Variants in SYT16 observed in about 807,000 individuals in gnomAD.
SYT16 encodes the protein synaptotagmin 16.
A neutral mutation model predicts 61.4 loss-of-function variants in SYT16; 42 were observed. The ratio of observed to expected loss-of-function variants is 0.68; its 90% CI spans 0.53 to 0.89. The LOEUF (loss-of-function observed/expected upper bound fraction) is 0.89. Among genes scored for constraint, SYT16 ranks in the 40% least tolerant of loss-of-function variants. The probability of loss-of-function intolerance (pLI) is 0.00; values close to 1 mark genes in which losing one functional copy is unlikely to be tolerated. For missense variants in SYT16, 804 were observed against 807.3 expected, an observed-to-expected ratio of 1.00 and a Z score of 0.05; for synonymous variants, 314 against 302.3, an observed-to-expected ratio of 1.04 and a Z score of -0.40.
chr14:61,918,531 C>G (rs989946382), intron 1 of SYT16, among the ~76,000 whole-genome samples: 1 of 152,036 alleles, frequency 6.6e-6, no homozygotes, highest in African/African-American at 2.4e-5. Context: ...TTGAAAATAC[C>G]TAGTAGCCTG....
chr14:61,874,505 A>T (rs974795917), intron 1 of SYT16, among the ~76,000 whole-genome samples: 1 of 152,168 alleles, frequency 6.6e-6, no homozygotes, highest in Admixed American at 6.5e-5. Context: ...TACACAATAT[A>T]TTTTTATATC....
intron 1 of SYT16, among the ~76,000 whole-genome samples, chr14:61,852,575 G>T (rs2046649234): frequency 1.3e-5 from 2 of 152,074 alleles, no homozygotes; most frequent in Non-Finnish European, 2.9e-5. Context: ...CTATTTATTT[G>T]TGTCCTCTCT....
At chr14:61,953,583 A>G (rs967074469) in intron 1 of SYT16, among the ~76,000 whole-genome samples, 11 of 152,124 alleles carry the variant, frequency 7.2e-5, no homozygotes, top group African/African-American at 1.9e-4. Context: ...GCTGGAGCCA[A>G]TTGCTGTCTC....
At chr14:61,995,423 T>C (rs901860979) in intron 2 of SYT16, among the ~76,000 whole-genome samples, 3 of 152,152 alleles carry the variant, frequency 2.0e-5, no homozygotes, top group African/African-American at 7.2e-5. Context: ...TTTAAAGCTT[T>C]TTAATTCCAG....
intron 3 of SYT16, 46 bp from the exon 4 acceptor site, chr14:62,069,557 A>C (rs2056208650): frequency 6.4e-7 from 1 of 1,560,882 alleles, no homozygotes; most frequent in Non-Finnish European, 8.8e-7. Flanking sequence ...TCTGTATTCG[A>C]GCATATAGGC....
intron 3 of SYT16, among the ~76,000 whole-genome samples, chr14:62,012,555 G>T (rs1440859295): frequency 6.6e-6 from 1 of 152,130 alleles, no homozygotes; most frequent in African/African-American, 2.4e-5. Flanking sequence ...AGGGGGAGGG[G>T]CACCAAAGGC....
intron 1 of SYT16, among the ~76,000 whole-genome samples, chr14:61,828,345 G>C (rs972255912): frequency 1.3e-5 from 2 of 152,206 alleles, no homozygotes; most frequent in African/African-American, 4.8e-5. Flanking sequence ...TGTTTACCAA[G>C]ATATTTATCA....
chr14:61,817,038 A>C (rs2045463255), intron 1 of SYT16, among the ~76,000 whole-genome samples: 1 of 148,022 alleles, frequency 6.8e-6, no homozygotes, highest in Non-Finnish European at 1.5e-5. Flanking sequence ...CAAAAAAAGC[A>C]TTTTCCCCAA....
chr14:61,945,748 C>T (rs866724836), intron 1 of SYT16, among the ~76,000 whole-genome samples: 34 of 145,438 alleles, frequency 2.3e-4, no homozygotes, highest in Admixed American at 5.6e-4. Flanking sequence ...CCCAGCTACG[C>T]GGGAGGCTGA....
chr14:62,031,066 C>T (rs1379776151), intron 3 of SYT16, among the ~76,000 whole-genome samples: 1 of 152,274 alleles, frequency 6.6e-6, no homozygotes, highest in Non-Finnish European at 1.5e-5. Flanking sequence ...AGCACATAAG[C>T]TATACGACAT....
intron 2 of SYT16, among the ~76,000 whole-genome samples, chr14:61,987,381 T>C (rs2052359017): frequency 6.6e-6 from 1 of 152,220 alleles, no homozygotes; most frequent in Admixed American, 6.5e-5. Flanking sequence ...AAACACTGAA[T>C]GACGTGATCA....
chr14:61,986,606 C>G (rs1184993986), intron 2 of SYT16, among the ~76,000 whole-genome samples: 5 of 152,062 alleles, frequency 3.3e-5, no homozygotes, highest in African/African-American at 1.2e-4. Flanking sequence ...GCCTCCTCCC[C>G]CCACCCCACA....
chr14:61,860,234 A>G (rs944936834), intron 1 of SYT16, among the ~76,000 whole-genome samples: 1 of 152,244 alleles, frequency 6.6e-6, no homozygotes, highest in Non-Finnish European at 1.5e-5. Flanking sequence ...AACAACAACA[A>G]CAAACCATTC....
At chr14:61,923,220 C>A (rs1374584706) in intron 1 of SYT16, among the ~76,000 whole-genome samples, 1 of 152,168 alleles carries the variant, frequency 6.6e-6, no homozygotes, top group Non-Finnish European at 1.5e-5. Flanking sequence ...GCACCAAACT[C>A]ATTCATAAGA....
chr14:61,977,577 C>T (rs1332176839), intron 2 of SYT16, among the ~76,000 whole-genome samples: 2 of 152,254 alleles, frequency 1.3e-5, no homozygotes, highest in Admixed American at 1.3e-4. Flanking sequence ...GGGGAAACCA[C>T]CCCCATGTTT....
chr14:61,892,871 A>AC (rs1368476555), intron 1 of SYT16, among the ~76,000 whole-genome samples: 4 of 150,810 alleles, frequency 2.7e-5, no homozygotes, highest in African/African-American at 9.8e-5. Context: ...GTAACAAACA[A>AC]CCCCCACATC....
At chr14:62,096,620 T>G (rs1181548159) in intron 7 of SYT16, among the ~76,000 whole-genome samples, 1 of 152,128 alleles carries the variant, frequency 6.6e-6, no homozygotes, top group Non-Finnish European at 1.5e-5. Context: ...AATTTTCTAA[T>G]GTGCAAAATT....
intron 3 of SYT16, among the ~76,000 whole-genome samples, chr14:62,018,294 TC>T: frequency 1.4e-5 from 1 of 69,212 alleles, no homozygotes; most frequent in Non-Finnish European, 2.8e-5. Context: ...TTCTTCTTCT[TC>T]TTCTTTTTTT....
intron 1 of SYT16, among the ~76,000 whole-genome samples, chr14:61,945,053 C>A (rs1414798790): frequency 4.6e-5 from 7 of 152,182 alleles, no homozygotes; most frequent in South Asian, 2.1e-4. Context: ...AAAAAAACAA[C>A]CCCATCAAAA....
Sources: gnomAD v4.1 joint callset for allele counts (sites outside exome capture counted in the v4.1 genomes callset) on GRCh38, gnomAD v4.1.1 for gene constraint, MANE v1.5 for transcripts, NCBI Gene and HGNC (gene_info 2026-07-23, HGNC 2026-07-21) for gene names.